The following MRPL33 variants were observed in gnomAD, a reference collection of about 807,000 sequenced individuals.
The protein encoded by MRPL33 is large ribosomal subunit protein bL33m.
A neutral mutation model predicts 10.1 loss-of-function variants in MRPL33; 5 were observed. The ratio of observed to expected loss-of-function variants is 0.49; its 90% CI spans 0.26 to 1.04. The LOEUF (loss-of-function observed/expected upper bound fraction) is 1.04. Among genes scored for constraint, MRPL33 ranks in the 50% least tolerant of loss-of-function variants. MRPL33 has a pLI of 0.14. For synonymous variants in MRPL33, 24 were observed against 27.7 expected, an observed-to-expected ratio of 0.87 and a Z score of 0.42; for missense variants, 79 against 78.1, an observed-to-expected ratio of 1.01 and a Z score of -0.04.
Position 27,779,668 on chromosome 2 carries a change from T to C in MRPL33, c.*186T>C, listed in dbSNP as rs1239214993. On this transcript the variant is annotated 3_prime_UTR_variant, in exon 4 of 4. Transcript: ENST00000296102. ...AAAGTTCTTCATATTAGGACAGATA[T>C]CATTGCATCACATTTATTTATCTTT... 1.9e-6 allele frequency: 2 copies of C among 1,076,718 alleles called. No individual in the cohort carries two copies. The highest frequency in any genetic ancestry group is 2.6e-6 in the Non-Finnish European group (2 of 770,956). The allele number at this position is 1,076,718 out of a possible 1,614,324, so 66.7% of individuals were successfully genotyped here. A position where few individuals can be genotyped will look rare whatever the true frequency, so the allele number is the denominator to read the frequency against.
intron 3 of MRPL33, among the ~76,000 whole-genome samples, chr2:27,777,559 G>C (rs1251650524): frequency 6.6e-6 from 1 of 151,814 alleles, no homozygotes; most frequent in African/African-American, 2.4e-5. Flanking sequence ...CACCATTCCT[G>C]TCCCTTTCTG....
chr2:27,773,865 A>G (rs1389094596), intron 2 of MRPL33, among the ~76,000 whole-genome samples: 3 of 152,210 alleles, frequency 2.0e-5, no homozygotes, highest in African/African-American at 7.2e-5. Flanking sequence ...AAAAAATAAC[A>G]AACAGTACAG....
At chr2:27,775,915 T>C (rs1478863127) in intron 3 of MRPL33, among the ~76,000 whole-genome samples, 2 of 152,186 alleles carry the variant, frequency 1.3e-5, no homozygotes, top group Non-Finnish European at 2.9e-5. Context: ...TGCTGTTGGA[T>C]TGATAAGGTT....
intron 1 of MRPL33, 72 bp downstream of exon 1, chr2:27,771,871 A>G (rs1677054781): frequency 2.1e-6 from 3 of 1,460,176 alleles, no homozygotes; most frequent in Admixed American, 1.8e-5. Context: ...GGGCCCCGGA[A>G]TGATGCGGGG....
intron 2 of MRPL33, among the ~76,000 whole-genome samples, chr2:27,773,152 T>G (rs886408205): frequency 7.9e-5 from 12 of 152,198 alleles, no homozygotes; most frequent in Admixed American, 4.6e-4. Flanking sequence ...GTATAAGCAT[T>G]TCAAAAATAG....
Position 27,779,607 on chromosome 2 carries a change from T to C in MRPL33, c.*125T>C. ...CATGGAATCACTGCCTCCTGTGATT[T>C]GAAGGCCATTGTGAAGGAAAACAAT... On this transcript the variant is annotated 3_prime_UTR_variant, in exon 4 of 4. Transcript: ENST00000296102. The C allele has an allele frequency of 6.4e-7, 1 of 1,563,046 alleles. No individual in the cohort carries two copies.
At position 27,779,453 on chromosome 2, in the gene MRPL33, G is replaced by A. The variant is rs773578498; in HGVS notation, c.169G>A (p.Val57Met). Residue 57 changes from valine (V) to methionine (M), a missense_variant, in exon 4 of 4, where the codon GTG becomes ATG. Val to Met is a conservative substitution (Grantham distance 21). Transcript: ENST00000296102. Reference protein sequence around the residue: ...DPVVKQRVLFVEKKKIRSL With the variant: ...DPVVKQRVLFMEKKKIRSL ...CATAGTGAAACAAAGAGTCCTCTTCGTGGAAAAGAAAAAAATACGCTCCCT... is the reference window on the plus strand; with the variant it reads ...CATAGTGAAACAAAGAGTCCTCTTCATGGAAAAGAAAAAAATACGCTCCCT... The A allele has an allele frequency of 3.7e-6, 6 of 1,608,726 alleles. No homozygotes were observed. Among genetic ancestry groups the A allele is most frequent in the East Asian group, 2.2e-5 (1 of 44,792 alleles).
chr2:27,772,663 C>T lies in MRPL33; in HGVS notation c.23-11C>T. ...TATTTTCTTTTCCAACCCTTCCTGTCTACAAAAAAGTTGCCAAGAGCAAGT... is the reference window on the plus strand; with the variant it reads ...TATTTTCTTTTCCAACCCTTCCTGTTTACAAAAAAGTTGCCAAGAGCAAGT... On this transcript the variant is annotated splice_polypyrimidine_tract_variant and intron_variant, in intron 1 of 3. Coordinates refer to ENST00000296102, the MANE Select transcript of MRPL33 (RefSeq NM_004891.4). 6.3e-7 allele frequency: 1 copy of T among 1,593,000 alleles called. No homozygotes were observed. Among genetic ancestry groups the T allele is most frequent in the South Asian group, 1.1e-5 (1 of 88,736 alleles).
At chr2:27,779,372 T>G in intron 3 of MRPL33, 61 bp from the exon 4 acceptor site, 1 of 1,534,050 alleles carries the variant, frequency 6.5e-7, no homozygotes, top group Admixed American at 2.1e-5. Context: ...ATGTATTTTT[T>G]ATAAAAATGG....
chr2:27,779,026 TC>T (rs1385967101), intron 3 of MRPL33, among the ~76,000 whole-genome samples: 1 of 152,212 alleles, frequency 6.6e-6, no homozygotes, highest in African/African-American at 2.4e-5. Context: ...CTATTACTCT[TC>T]CAGACAGCGT....
chr2:27,775,128 G>A (rs1390644053), intron 3 of MRPL33, among the ~76,000 whole-genome samples: 1 of 152,090 alleles, frequency 6.6e-6, no homozygotes, highest in Non-Finnish European at 1.5e-5. Flanking sequence ...GTACTATATG[G>A]TAACTTTAAA....
chr2:27,772,654 C>G lies in MRPL33; in HGVS notation c.23-20C>G. 5 of 1,583,014 alleles carry G rather than the reference C, an allele frequency of 3.2e-6. No individual in the cohort carries two copies. The highest frequency in any genetic ancestry group is 4.3e-6 in the Non-Finnish European group (5 of 1,158,148). Reference sequence around the variant, plus strand: ...TTATATTTTTATTTTCTTTTCCAACCCTTCCTGTCTACAAAAAAGTTGCCA... The same window carrying G: ...TTATATTTTTATTTTCTTTTCCAACGCTTCCTGTCTACAAAAAAGTTGCCA... On this transcript the variant is annotated intron_variant, in intron 1 of 3. Transcript: ENST00000296102.
intron 3 of MRPL33, among the ~76,000 whole-genome samples, chr2:27,777,710 C>T (rs1204212963): frequency 6.6e-6 from 1 of 152,132 alleles, no homozygotes; most frequent in Non-Finnish European, 1.5e-5. Context: ...ATATTTTATT[C>T]TTTGAGTTAA....
chr2:27,779,565 A>T lies in MRPL33; in HGVS notation c.*83A>T. The T allele has an allele frequency of 6.3e-7, 1 of 1,594,424 alleles. No individual in the cohort carries two copies. Among genetic ancestry groups the T allele is most frequent in the Non-Finnish European group, 8.5e-7 (1 of 1,174,864 alleles). On this transcript the variant is annotated 3_prime_UTR_variant, in exon 4 of 4. Transcript: ENST00000296102. ...ATTCAGAAATCCTGTAGCGTGTAAT[A>T]AAAGAAGAGGAAATGGCATGGAATC... is the stretch of plus-strand genomic sequence containing the variant.
chr2:27,776,223 T>TAAAG, intron 3 of MRPL33, among the ~76,000 whole-genome samples: 1 of 152,274 alleles, frequency 6.6e-6, no homozygotes, highest in Non-Finnish European at 1.5e-5. Context: ...CGGTCTTAGC[T>TAAAG]TTGACAGCAC....
intron 3 of MRPL33, among the ~76,000 whole-genome samples, chr2:27,776,651 G>A (rs1677179258): frequency 2.0e-5 from 3 of 152,278 alleles, no homozygotes; most frequent in African/African-American, 7.2e-5. Context: ...TATATTGAAG[G>A]TTTATCATAA....
At chr2:27,774,064 A>G (rs1677101617) in intron 2 of MRPL33, among the ~76,000 whole-genome samples, 1 of 152,202 alleles carries the variant, frequency 6.6e-6, no homozygotes, top group Non-Finnish European at 1.5e-5. Flanking sequence ...AGCGATCTTT[A>G]CAATTTCCTC....
intron 1 of MRPL33, chr2:27,772,071 C>T: frequency 4.4e-6 from 2 of 449,790 alleles, no homozygotes; most frequent in South Asian, 8.7e-5. Context: ...CGTTTTTCTC[C>T]AGCCCGTGTT....
intron 2 of MRPL33, 69 bp downstream of exon 2, chr2:27,772,761 A>G: frequency 8.1e-7 from 1 of 1,241,256 alleles, no homozygotes; most frequent in Non-Finnish European, 1.2e-6. Flanking sequence ...AGCTGCTCCC[A>G]GTACATCCTT....
Sources: gnomAD v4.1 joint callset for allele counts (sites outside exome capture counted in the v4.1 genomes callset) on GRCh38, gnomAD v4.1.1 for gene constraint, MANE v1.5 for transcripts, NCBI Gene and HGNC (gene_info 2026-07-23, HGNC 2026-07-21) for gene names.